The following SV2C variants were observed in gnomAD, a reference collection of about 807,000 sequenced individuals.
SV2C encodes synaptic vesicle glycoprotein 2C.
A neutral mutation model predicts 79.7 loss-of-function variants in SV2C; 49 were observed. That is an observed-to-expected ratio of 0.61 (90% confidence interval 0.49 to 0.78). SV2C has a LOEUF of 0.78. Ranked by LOEUF, SV2C falls within the 30% of genes least tolerant of loss-of-function variation. The probability of loss-of-function intolerance (pLI) is 0.00; values close to 1 mark genes in which losing one functional copy is unlikely to be tolerated. For synonymous variants in SV2C, 334 were observed against 333.2 expected (o/e 1.00, Z -0.03); for missense variants, 833 against 912.9 (o/e 0.91, Z 1.13).
At chr5:76,233,132 T>A (rs972891253) in intron 4 of SV2C, among the ~76,000 whole-genome samples, 1 of 140,510 alleles carries the variant, frequency 7.1e-6, no homozygotes, top group African/African-American at 3.2e-5. Context: ...TGGTTTGTAG[T>A]TCTCCTTGAA....
At chr5:76,160,224 A>G (rs960946478) in intron 2 of SV2C, among the ~76,000 whole-genome samples, 8 of 152,116 alleles carry the variant, frequency 5.3e-5, no homozygotes, top group African/African-American at 1.9e-4. Context: ...CAAAACTAAT[A>G]TGGGATTTCA....
chr5:76,290,278 G>C (rs938008169), intron 6 of SV2C, among the ~76,000 whole-genome samples: 1 of 152,096 alleles, frequency 6.6e-6, no homozygotes, highest in African/African-American at 2.4e-5. Flanking sequence ...GGTGCTGAGG[G>C]TCCCCAAGCC....
At chr5:76,025,818 A>C in the SV2C span, among the ~76,000 whole-genome samples, 1 of 152,216 alleles carries the variant, frequency 6.6e-6, no homozygotes, top group Non-Finnish European at 1.5e-5. Context: ...GAAGGCAGTC[A>C]AAGCATTAAT....
At chr5:75,923,421 A>G in the SV2C span, among the ~76,000 whole-genome samples, 1 of 152,178 alleles carries the variant, frequency 6.6e-6, no homozygotes, top group Admixed American at 6.5e-5. Flanking sequence ...ACAACAAAAC[A>G]GGACCTAATT....
At chr5:76,240,381 C>A (rs545379635) in intron 4 of SV2C, among the ~76,000 whole-genome samples, 1 of 152,322 alleles carries the variant, frequency 6.6e-6, no homozygotes, top group East Asian at 1.9e-4. Context: ...ACATTTTACC[C>A]CAAGCATCCC....
chr5:76,197,707 C>CAGATAGATAGATAGGTAGATAGAT (rs1744310730), intron 3 of SV2C, among the ~76,000 whole-genome samples: 1 of 145,494 alleles, frequency 6.9e-6, no homozygotes, highest in Non-Finnish European at 1.5e-5. Flanking sequence ...GATAGACAGG[C>CAGATAGATAGATAGGTAGATAGAT]AGATAGATAG....
chr5:76,179,429 CTTTT>C (rs1057345254), intron 2 of SV2C, among the ~76,000 whole-genome samples: 1 of 152,174 alleles, frequency 6.6e-6, no homozygotes, highest in Non-Finnish European at 1.5e-5. Context: ...AAAATTCCTA[CTTTT>C]TTCTTACTCT....
At chr5:76,079,180 G>A (rs1746938219), upstream of SV2C, 1 of 342,416 alleles carries the variant, frequency 2.9e-6, no homozygotes. Context: ...TGTTGATTCG[G>A]CAGAGTGATT....
In SV2C at chr5:76,293,673, TATG is replaced by T. The variant is rs575819898; in HGVS notation, c.1337+1819_1337+1821del. 1.4e-3 allele frequency among the ~76,000 whole-genome samples: 210 copies of T among 152,256 alleles called. 1 individual carries two copies. The highest frequency in any genetic ancestry group is 2.3e-3 in the Non-Finnish European group (156 of 68,028). On this transcript the variant is annotated intron_variant, in intron 8 of 12. Transcript: ENST00000502798. ...ACCCTCACACCCCCACAGACATTAC[TATG>T]AAGAAAAGGGGTGGGAATCCTGAGG...
chr5:75,902,240 C>T, the SV2C span, among the ~76,000 whole-genome samples: 1 of 152,154 alleles, frequency 6.6e-6, no homozygotes, highest in Non-Finnish European at 1.5e-5. Context: ...GGCTCTCACA[C>T]CTGGATAGTT....
intron 2 of SV2C, among the ~76,000 whole-genome samples, chr5:76,152,453 G>A (rs1749633761): frequency 6.6e-6 from 1 of 152,172 alleles, no homozygotes; most frequent in Non-Finnish European, 1.5e-5. Context: ...ATATATAGGA[G>A]ATACGTTGGC....
intron 1 of SV2C, among the ~76,000 whole-genome samples, chr5:76,097,905 C>G (rs956530605): frequency 4.0e-5 from 6 of 151,744 alleles, no homozygotes; most frequent in East Asian, 1.9e-4. Context: ...CTGGGCCTAC[C>G]TACAGAGATG....
the SV2C span, among the ~76,000 whole-genome samples, chr5:75,960,421 T>G: frequency 6.6e-6 from 1 of 152,002 alleles, no homozygotes; most frequent in African/African-American, 2.4e-5. Context: ...CCTAGTGATG[T>G]CATAGCTGTT....
chr5:75,894,816 A>G, the SV2C span, among the ~76,000 whole-genome samples: 4 of 152,228 alleles, frequency 2.6e-5, no homozygotes, highest in Non-Finnish European at 4.4e-5. Context: ...CTAGAAGGCC[A>G]TGCTCATGTG....
At chr5:76,103,687 G>A in intron 1 of SV2C, among the ~76,000 whole-genome samples, 1 of 152,160 alleles carries the variant, frequency 6.6e-6, no homozygotes, top group East Asian at 1.9e-4. Context: ...GGTGCTGTTA[G>A]GGCACCTAGA....
chr5:76,268,081 G>A (rs1746722914), intron 4 of SV2C, among the ~76,000 whole-genome samples: 1 of 152,162 alleles, frequency 6.6e-6, no homozygotes. Context: ...GGGGATCACT[G>A]AGCTGGACTG....
At chr5:75,882,377 T>A in the SV2C span, among the ~76,000 whole-genome samples, 1 of 147,272 alleles carries the variant, frequency 6.8e-6, no homozygotes, top group African/African-American at 2.6e-5. Context: ...AATGACTTCC[T>A]TCACAGAATT....
the SV2C span, among the ~76,000 whole-genome samples, chr5:75,923,226 T>C: frequency 6.6e-6 from 1 of 152,184 alleles, no homozygotes; most frequent in Non-Finnish European, 1.5e-5. Context: ...TGTAGAAGAA[T>C]GAAACTGGAT....
chr5:76,199,282 A>G (rs1485986693), intron 3 of SV2C, among the ~76,000 whole-genome samples: 3 of 152,198 alleles, frequency 2.0e-5, no homozygotes, highest in Non-Finnish European at 4.4e-5. Context: ...TTTTAAATTG[A>G]GAAAAACTAC....
Sources: allele counts gnomAD v4.1 joint callset (sites outside exome capture counted in the v4.1 genomes callset), GRCh38; gene constraint gnomAD v4.1.1; transcripts MANE v1.5; gene names NCBI Gene and HGNC (gene_info 2026-07-23, HGNC 2026-07-21).